Variants in GRID1 observed in about 807,000 individuals in gnomAD.
GRID1 encodes glutamate receptor ionotropic, delta-1.
Under a neutral mutation model 98.0 loss-of-function variants are expected in GRID1, and 28 were observed. The ratio of observed to expected loss-of-function variants is 0.29; its 90% confidence interval spans 0.21 to 0.39. GRID1 has a LOEUF of 0.39. Among genes scored for constraint, GRID1 ranks in the 10% least tolerant of loss-of-function variants. The pLI is 1.00. For missense variants in GRID1, 1,111 were observed against 1,340.5 expected (o/e 0.83, Z 2.67); for synonymous variants, 553 against 538.5 (o/e 1.03, Z -0.37).
intron 14 of GRID1, among the ~76,000 whole-genome samples, chr10:85,615,554 T>C (rs1371808687): frequency 6.6e-6 from 1 of 152,232 alleles, no homozygotes. Context: ...CTTAGGGCAC[T>C]GATCAGCATG....
intron 8 of GRID1, among the ~76,000 whole-genome samples, chr10:85,818,329 CAT>C (rs1333200809): frequency 6.7e-6 from 1 of 149,508 alleles, no homozygotes; most frequent in Non-Finnish European, 1.5e-5. Flanking sequence ...TACACACACA[CAT>C]GGATGGATGA....
intron 5 of GRID1, among the ~76,000 whole-genome samples, chr10:85,877,707 A>G (rs959506115): frequency 7.2e-5 from 11 of 152,262 alleles, no homozygotes; most frequent in Non-Finnish European, 1.0e-4. Context: ...TCTAAAAAGC[A>G]GAGCACCTCT....
rs41505346 is a variant in GRID1 at position 86,167,391 on chromosome 10, T to C, written c.521-28367A>G. ...GAACCACCGAGCTGGTCCCAGAATATGTGCTTGCCCACTCTGGAAGAGAAC... is the reference window on the plus strand; with the variant it reads ...GAACCACCGAGCTGGTCCCAGAATACGTGCTTGCCCACTCTGGAAGAGAAC... On this transcript the variant is annotated intron_variant, in intron 3 of 15. Transcript: ENST00000327946. 5.6e-3 allele frequency among the ~76,000 whole-genome samples: 854 copies of C among 152,136 alleles called. 12 individuals are homozygous for C. The highest frequency in any genetic ancestry group is 0.019 in the African/African-American group (778 of 41,512).
chr10:85,750,729 C>T lies in GRID1; in HGVS notation c.1234-21115G>A, dbSNP rs116635236. On this transcript the variant is annotated intron_variant, in intron 8 of 15. Transcript: ENST00000327946. Reference sequence around the variant, plus strand: ...TATCTCTTGATCAGTAATTTAAATTCCAGGGAACTATCCTAGGGAAGGACT... The same window carrying T: ...TATCTCTTGATCAGTAATTTAAATTTCAGGGAACTATCCTAGGGAAGGACT... 9.1e-3 allele frequency among the ~76,000 whole-genome samples: 1,378 copies of T among 152,142 alleles called. 22 individuals are homozygous for T. Among genetic ancestry groups the T allele is most frequent in the African/African-American group, 0.031 (1,268 of 41,480 alleles).
intron 4 of GRID1, among the ~76,000 whole-genome samples, chr10:86,111,772 A>G (rs1844488562): frequency 1.3e-5 from 2 of 152,246 alleles, no homozygotes; most frequent in Admixed American, 6.5e-5. Flanking sequence ...CAGTCATGCC[A>G]TTGAAGGAAG....
At chr10:85,669,400 G>C (rs1189057270) in intron 12 of GRID1, among the ~76,000 whole-genome samples, 1 of 152,214 alleles carries the variant, frequency 6.6e-6, no homozygotes, top group South Asian at 2.1e-4. Flanking sequence ...AGGGCTCCAA[G>C]GGCCCCTTTG....
intron 5 of GRID1, among the ~76,000 whole-genome samples, chr10:85,897,802 T>C (rs757972248): frequency 2.0e-5 from 3 of 152,184 alleles, no homozygotes; most frequent in Non-Finnish European, 4.4e-5. Flanking sequence ...ATCGTAACCA[T>C]ACTGTACAAT....
chr10:85,711,261 T>C (rs530611314), intron 12 of GRID1, among the ~76,000 whole-genome samples: 4 of 152,078 alleles, frequency 2.6e-5, no homozygotes, highest in African/African-American at 9.6e-5. Flanking sequence ...AAATAAAATA[T>C]GATATATACA....
Position 86,351,356 on chromosome 10 carries a change from C to G in GRID1, c.235+12585G>C, listed in dbSNP as rs567533652. Reference sequence around the variant, plus strand: ...GGGATTCTTGCAGCACACATAGGAGCTGGTCTGTGACCCAGGGTCAAGCCA... The same window carrying G: ...GGGATTCTTGCAGCACACATAGGAGGTGGTCTGTGACCCAGGGTCAAGCCA... On this transcript the variant is annotated intron_variant, in intron 2 of 15. Coordinates refer to ENST00000327946, the MANE Select transcript of GRID1 (RefSeq NM_017551.3). Among the ~76,000 whole-genome samples the G allele has an allele frequency of 4.6e-5, 7 of 152,344 alleles. No individual in the cohort carries two copies. The South Asian group carries it at 1.4e-3, about 32-fold the overall frequency.
At chr10:85,655,658 C>T (rs145398982) in intron 12 of GRID1, among the ~76,000 whole-genome samples, 1 of 152,204 alleles carries the variant, frequency 6.6e-6, no homozygotes, top group Admixed American at 6.5e-5. Context: ...TGCACTTCCT[C>T]CTCCCACGCT....
intron 4 of GRID1, among the ~76,000 whole-genome samples, chr10:86,134,288 T>C (rs146874567): frequency 3.3e-5 from 5 of 152,354 alleles, no homozygotes; most frequent in South Asian, 2.1e-4. Context: ...TCCTCATCCA[T>C]AGGAGGCTCC....
chr10:86,114,148 G>C (rs764339357), intron 4 of GRID1, among the ~76,000 whole-genome samples: 1 of 152,098 alleles, frequency 6.6e-6, no homozygotes, highest in African/African-American at 2.4e-5. Flanking sequence ...AGGGTGGGGC[G>C]GGGGTGTCAG....
At chr10:85,810,295 CAT>C (rs914630879) in intron 8 of GRID1, among the ~76,000 whole-genome samples, 1 of 152,210 alleles carries the variant, frequency 6.6e-6, no homozygotes, top group Non-Finnish European at 1.5e-5. Context: ...GCTGTAACAC[CAT>C]GACCCCAGCT....
intron 12 of GRID1, among the ~76,000 whole-genome samples, chr10:85,694,008 T>C (rs1346806372): frequency 6.6e-6 from 1 of 151,938 alleles, no homozygotes; most frequent in East Asian, 1.9e-4. Context: ...TGGGAGAAAA[T>C]AAATATTTGC....
intron 4 of GRID1, among the ~76,000 whole-genome samples, chr10:86,013,199 T>G (rs540198602): frequency 3.0e-4 from 46 of 152,222 alleles, no homozygotes; most frequent in African/African-American, 1.1e-3. Context: ...CCCGATTGAC[T>G]CTCCCTGAAA....
intron 8 of GRID1, among the ~76,000 whole-genome samples, chr10:85,813,005 G>A (rs1295345121): frequency 2.6e-5 from 4 of 151,550 alleles, no homozygotes; most frequent in Non-Finnish European, 5.9e-5. Context: ...TTTATATTTG[G>A]TGAACTTGAA....
chr10:86,341,531 T>C (rs1848310603), intron 2 of GRID1, among the ~76,000 whole-genome samples: 1 of 152,084 alleles, frequency 6.6e-6, no homozygotes, highest in African/African-American at 2.4e-5. Context: ...CGGCCACGGC[T>C]TTCCCTCAGC....
intron 2 of GRID1, among the ~76,000 whole-genome samples, chr10:86,345,133 G>A (rs1243352715): frequency 4.6e-5 from 7 of 152,192 alleles, no homozygotes; most frequent in African/African-American, 1.7e-4. Context: ...GTCCACTGCT[G>A]GTGCATGAGC....
At chr10:85,747,081 A>C (rs989038787) in intron 8 of GRID1, among the ~76,000 whole-genome samples, 13 of 152,160 alleles carry the variant, frequency 8.5e-5, no homozygotes, top group African/African-American at 3.1e-4. Flanking sequence ...TGAGTTAAAC[A>C]GAACAGAAAT....
Sources: allele counts gnomAD v4.1 joint callset (sites outside exome capture counted in the v4.1 genomes callset), GRCh38; gene constraint gnomAD v4.1.1; transcripts MANE v1.5; gene names NCBI Gene and HGNC (gene_info 2026-07-23, HGNC 2026-07-21).